ADIPOR2: variants seen among roughly 807,000 people sequenced by gnomAD.
ADIPOR2 encodes adiponectin receptor protein 2.
In ADIPOR2, 18 loss-of-function variants were observed where a neutral mutation model predicts 40.9. The ratio of observed to expected loss-of-function variants is 0.44; its 90% CI spans 0.30 to 0.65. ADIPOR2 has a LOEUF of 0.65. ADIPOR2 is among the 30% of genes least tolerant of loss of function. The probability of loss-of-function intolerance (pLI) is 0.09; values close to 1 mark genes in which losing one functional copy is unlikely to be tolerated. For missense variants in ADIPOR2, 283 were observed against 479.2 expected, an observed-to-expected ratio of 0.59 and a Z score of 3.82; for synonymous variants, 165 against 166.4, an observed-to-expected ratio of 0.99 and a Z score of 0.06.
In ADIPOR2 at chr12:1,715,969, C is replaced by T. The variant is rs181489824; in HGVS notation, c.-87+24778C>T. ...CCCCAGCCAGCAGCGGCAACCTGGTCGGGTCTCCTTCCACACCGTAGAAGC... is the reference window on the plus strand; with the variant it reads ...CCCCAGCCAGCAGCGGCAACCTGGTTGGGTCTCCTTCCACACCGTAGAAGC... On this transcript the variant is annotated intron_variant, in intron 1 of 7. Coordinates refer to ENST00000357103, the MANE Select transcript of ADIPOR2 (RefSeq NM_024551.3). 1.8e-3 allele frequency among the ~76,000 whole-genome samples: 276 copies of T among 152,190 alleles called. 1 individual carries two copies. Among genetic ancestry groups the T allele is most frequent in the Non-Finnish European group, 3.0e-3 (207 of 68,030 alleles).
At chr12:1,713,332 A>G (rs1454228757) in intron 1 of ADIPOR2, among the ~76,000 whole-genome samples, 1 of 152,166 alleles carries the variant, frequency 6.6e-6, no homozygotes, top group Admixed American at 6.5e-5. Flanking sequence ...AAGATCTTGC[A>G]CTAGTCTCCA....
intron 3 of ADIPOR2, among the ~76,000 whole-genome samples, chr12:1,774,218 C>T (rs188932550): frequency 2.5e-3 from 385 of 152,252 alleles, no homozygotes; most frequent in South Asian, 6.8e-3. Context: ...CAGCGGGGTA[C>T]GGTAGCTGAC....
At chr12:1,702,241 T>G (rs1289959616) in intron 1 of ADIPOR2, among the ~76,000 whole-genome samples, 1 of 152,182 alleles carries the variant, frequency 6.6e-6, no homozygotes, top group Non-Finnish European at 1.5e-5. Context: ...ATAAAATGTT[T>G]TGTGAAATTT....
At chr12:1,723,546 C>T (rs1169326316) in intron 1 of ADIPOR2, among the ~76,000 whole-genome samples, 5 of 150,698 alleles carry the variant, frequency 3.3e-5, no homozygotes, top group Admixed American at 1.3e-4. Context: ...AGGAGACTGT[C>T]GGAAGAATTG....
intron 2 of ADIPOR2, among the ~76,000 whole-genome samples, chr12:1,755,600 A>T (rs527292775): frequency 6.6e-6 from 1 of 152,340 alleles, no homozygotes; most frequent in East Asian, 1.9e-4. Context: ...AGCAGATTTT[A>T]TTCTTTCATT....
At chr12:1,757,691 A>G in intron 2 of ADIPOR2, 1 of 1,317,834 alleles carries the variant, frequency 7.6e-7, no homozygotes, top group South Asian at 1.2e-5. Flanking sequence ...TGTACAGCAA[A>G]GCGACCCTTG....
At chr12:1,694,815 T>C (rs1271856106) in intron 1 of ADIPOR2, among the ~76,000 whole-genome samples, 1 of 152,208 alleles carries the variant, frequency 6.6e-6, no homozygotes, top group Non-Finnish European at 1.5e-5. Flanking sequence ...AATTACACTT[T>C]TTTTTAGCAG....
chr12:1,704,331 A>C (rs75888517), intron 1 of ADIPOR2, among the ~76,000 whole-genome samples: 1,793 of 152,186 alleles, frequency 0.012, 43 homozygotes, highest in African/African-American at 0.041. Context: ...AGAAGAGTAG[A>C]TACAGAGTAT....
In ADIPOR2 at chr12:1,777,844, T is replaced by C. The variant is rs200492316; in HGVS notation, c.292-10T>C. 64 of 1,606,204 alleles carry C rather than the reference T, an allele frequency of 4.0e-5. No individual in the cohort carries two copies. The African/African-American group carries it at 7.5e-4, about 19-fold the overall frequency. On this transcript the variant is annotated splice_polypyrimidine_tract_variant and intron_variant, in intron 3 of 7. Coordinates refer to ENST00000357103, the MANE Select transcript of ADIPOR2 (RefSeq NM_024551.3). Reference sequence around the variant, plus strand: ...AATCACAAAGATGTTTGATAATACCTCTCTGCCAGGTATGGGAAGGTCGGT... The same window carrying C: ...AATCACAAAGATGTTTGATAATACCCCTCTGCCAGGTATGGGAAGGTCGGT...
intron 1 of ADIPOR2, among the ~76,000 whole-genome samples, chr12:1,740,113 A>G (rs2094739443): frequency 6.6e-6 from 1 of 152,138 alleles, no homozygotes; most frequent in Non-Finnish European, 1.5e-5. Flanking sequence ...AAAAAAAAAA[A>G]GAAGTTAAAT....
intron 1 of ADIPOR2, among the ~76,000 whole-genome samples, chr12:1,698,206 TTGTGTGTGTGTGTGTGTG>T (rs35927419): frequency 6.8e-6 from 1 of 148,104 alleles, no homozygotes; most frequent in Non-Finnish European, 1.5e-5. Context: ...TCTTGGCTGA[TTGTGTGTGTGTGTGTGTG>T]TGTGTGTGTG....
chr12:1,733,036 G>T (rs2094723557), intron 1 of ADIPOR2, among the ~76,000 whole-genome samples: 1 of 152,276 alleles, frequency 6.6e-6, no homozygotes, highest in East Asian at 1.9e-4. Flanking sequence ...GGGAAACCTT[G>T]TTAGATTTAC....
chr12:1,691,507 C>T (rs1429866608), intron 1 of ADIPOR2, among the ~76,000 whole-genome samples: 1 of 152,236 alleles, frequency 6.6e-6, no homozygotes, highest in Non-Finnish European at 1.5e-5. Context: ...CTGCTGCCCT[C>T]TGCTCACCTT....
chr12:1,713,613 T>A (rs2094681864), intron 1 of ADIPOR2, among the ~76,000 whole-genome samples: 1 of 152,086 alleles, frequency 6.6e-6, no homozygotes. Flanking sequence ...AATTGGTAAC[T>A]TGTTCCCCAT....
At chr12:1,717,395 C>T (rs544440425) in intron 1 of ADIPOR2, among the ~76,000 whole-genome samples, 35 of 152,150 alleles carry the variant, frequency 2.3e-4, no homozygotes, top group African/African-American at 8.4e-4. Flanking sequence ...TAGAACATAA[C>T]GTTTATGTTT....
intron 2 of ADIPOR2, among the ~76,000 whole-genome samples, chr12:1,769,725 A>G (rs1409912520): frequency 6.6e-6 from 1 of 152,082 alleles, no homozygotes; most frequent in Non-Finnish European, 1.5e-5. Context: ...TATTTGTAGT[A>G]GAGACAGGGT....
chr12:1,712,288 T>G (rs1409303256), intron 1 of ADIPOR2, among the ~76,000 whole-genome samples: 1 of 152,108 alleles, frequency 6.6e-6, no homozygotes, highest in East Asian at 1.9e-4. Flanking sequence ...AGATGCATAT[T>G]TGAAGCATCG....
chr12:1,748,318 G>A (rs559138134), intron 1 of ADIPOR2, among the ~76,000 whole-genome samples: 86 of 152,022 alleles, frequency 5.7e-4, no homozygotes, highest in Middle Eastern at 3.4e-3. Context: ...GCGCGATCTC[G>A]GCTCACTGCA....
intron 3 of ADIPOR2, 35 bp downstream of exon 3, chr12:1,772,996 A>G (rs1222116132): frequency 1.6e-5 from 25 of 1,603,576 alleles, no homozygotes; most frequent in Non-Finnish European, 2.0e-5. Context: ...GTCATGCTAT[A>G]TATTTAGCCC....
Sources: gnomAD v4.1 joint callset for allele counts (sites outside exome capture counted in the v4.1 genomes callset) on GRCh38, gnomAD v4.1.1 for gene constraint, MANE v1.5 for transcripts, NCBI Gene and HGNC (gene_info 2026-07-23, HGNC 2026-07-21) for gene names.